Variants in FRMPD4 observed in about 807,000 individuals in gnomAD.
The protein encoded by FRMPD4 is FERM and PDZ domain containing 4.
A neutral mutation model predicts 94.1 loss-of-function variants in FRMPD4; 22 were observed. The ratio of observed to expected loss-of-function variants is 0.23; its 90% CI spans 0.17 to 0.33. The LOEUF (loss-of-function observed/expected upper bound fraction) is 0.33. Among genes scored for constraint, FRMPD4 ranks in the 10% least tolerant of loss-of-function variants. FRMPD4 has a pLI of 1.00. For missense variants in FRMPD4, 1,111 were observed against 1,339.9 expected (o/e 0.83, Z 2.67); for synonymous variants, 631 against 548.6 (o/e 1.15, Z -2.10).
chrX:12,616,571 C>T (rs1217521371), intron 4 of FRMPD4, among the ~76,000 whole-genome samples: 2 of 112,027 alleles, frequency 1.8e-5, no homozygotes, highest in Non-Finnish European at 1.9e-5. Context: ...GACACTGAGA[C>T]TTGTGTCATA....
At chrX:12,064,752 C>T (rs1197324191) in intron 3 of FRMPD4, among the ~76,000 whole-genome samples, 2 of 111,860 alleles carry the variant, frequency 1.8e-5, no homozygotes, top group East Asian at 5.6e-4. Context: ...GAATCCCTGA[C>T]AATATATCCT....
At chrX:12,529,886 A>C (rs1432968789) in intron 2 of FRMPD4, among the ~76,000 whole-genome samples, 2 of 96,641 alleles carry the variant, frequency 2.1e-5, no homozygotes, top group African/African-American at 7.6e-5. Context: ...ATGACACCTT[A>C]TAGATGTGTA....
chrX:12,704,475 C>G lies in FRMPD4; in HGVS notation c.1187C>G (p.Pro396Arg). ...LVKANQNLVP[P>R]GKKLSALQAK... Reference sequence around the variant, plus strand: ...AAAGCAAATCAAAACTTGGTACCACCGGGTAAAAAGGTATCACATTTCCAT... The same window carrying G: ...AAAGCAAATCAAAACTTGGTACCACGGGGTAAAAAGGTATCACATTTCCAT... Residue 396 changes from proline (P) to arginine (R), a missense_variant, in exon 11 of 17, where the codon CCG (proline) becomes CGG (arginine). Physicochemically the swap from Pro to Arg is moderately radical, Grantham distance 103 (BLOSUM62 -2). Around this residue, in one of 8 missense-constraint regions of FRMPD4, gnomAD observed 111 missense variants for 160.7 expected, o/e 0.69. Transcript: ENST00000675598. 3.4e-6 allele frequency: 4 copies of G among 1,171,275 alleles called. No homozygotes were observed. Among genetic ancestry groups the G allele is most frequent in the Non-Finnish European group, 4.6e-6 (4 of 871,705 alleles).
intron 2 of FRMPD4, among the ~76,000 whole-genome samples, chrX:12,539,257 G>A (rs959164651): frequency 6.3e-5 from 7 of 111,654 alleles, no homozygotes; most frequent in Non-Finnish European, 9.4e-5. Flanking sequence ...AAAAAGAAAC[G>A]AACAAAGCCT....
At chrX:12,076,090 G>T (rs2055011760) in intron 3 of FRMPD4, among the ~76,000 whole-genome samples, 1 of 111,757 alleles carries the variant, frequency 8.9e-6, no homozygotes, top group African/African-American at 3.3e-5. Flanking sequence ...TGCCCTGAAT[G>T]AGGAATAGAC....
chrX:11,876,642 A>G (rs1272937353), intron 2 of FRMPD4, among the ~76,000 whole-genome samples: 1 of 112,159 alleles, frequency 8.9e-6, no homozygotes, highest in Non-Finnish European at 1.9e-5. Context: ...GCAGAATGTC[A>G]TTGGAGAGTT....
intron 1 of FRMPD4, among the ~76,000 whole-genome samples, chrX:12,194,915 G>A (rs2056548983): frequency 8.9e-6 from 1 of 111,966 alleles, no homozygotes; most frequent in Admixed American, 9.4e-5. Context: ...AATAACTTGA[G>A]TGAAGGATTG....
At chrX:12,129,465 A>G (rs979963479) in intron 3 of FRMPD4, among the ~76,000 whole-genome samples, 1 of 111,727 alleles carries the variant, frequency 9.0e-6, no homozygotes, top group Admixed American at 9.4e-5. Context: ...CCCTCCCATG[A>G]CACAGGATTA....
intron 2 of FRMPD4, among the ~76,000 whole-genome samples, chrX:12,568,870 C>T (rs1282617501): frequency 8.9e-6 from 1 of 111,865 alleles, no homozygotes; most frequent in African/African-American, 3.2e-5. Flanking sequence ...TCTATAAAAT[C>T]ACATCAGCTA....
intron 5 of FRMPD4, among the ~76,000 whole-genome samples, chrX:12,678,783 C>G (rs1405868706): frequency 1.8e-5 from 2 of 112,178 alleles, no homozygotes; most frequent in Admixed American, 9.4e-5. Context: ...CAAGATTGCA[C>G]CATTGCACTC....
At chrX:12,310,524 A>G (rs1415186958) in intron 1 of FRMPD4, among the ~76,000 whole-genome samples, 3 of 112,250 alleles carry the variant, frequency 2.7e-5, no homozygotes, top group South Asian at 3.7e-4. Flanking sequence ...CAGTTTCTCA[A>G]CTTGCCTTCA....
At chrX:12,084,248 A>G (rs1440796905) in intron 3 of FRMPD4, among the ~76,000 whole-genome samples, 1 of 108,421 alleles carries the variant, frequency 9.2e-6, no homozygotes, top group African/African-American at 3.4e-5. Context: ...AATAACTCTC[A>G]CAAGATCTGA....
At chrX:12,080,112 T>C (rs1057201567) in intron 3 of FRMPD4, among the ~76,000 whole-genome samples, 2 of 112,286 alleles carry the variant, frequency 1.8e-5, no homozygotes, top group African/African-American at 6.5e-5. Context: ...GAGGAGAGGA[T>C]GATAGCATTA....
intron 1 of FRMPD4, among the ~76,000 whole-genome samples, chrX:12,258,820 A>G (rs1218212657): frequency 3.6e-5 from 4 of 111,442 alleles, no homozygotes. Flanking sequence ...TGCAGGGAAC[A>G]TTCCAATTCT....
chrX:11,933,883 C>T (rs1017909572), intron 3 of FRMPD4, among the ~76,000 whole-genome samples: 3 of 111,968 alleles, frequency 2.7e-5, no homozygotes, highest in Non-Finnish European at 5.6e-5. Flanking sequence ...CTTGTTCCCT[C>T]GTTTATGTTT....
intron 1 of FRMPD4, among the ~76,000 whole-genome samples, chrX:12,429,353 T>G (rs899887180): frequency 1.8e-5 from 2 of 111,534 alleles, no homozygotes; most frequent in African/African-American, 6.5e-5. Context: ...ATAAAGCTCT[T>G]TCTCCTGATT....
At chrX:12,586,824 G>T (rs1430778738) in intron 2 of FRMPD4, among the ~76,000 whole-genome samples, 1 of 111,352 alleles carries the variant, frequency 9.0e-6, no homozygotes, top group African/African-American at 3.3e-5. Context: ...GTGAATAATG[G>T]TACAGGAAAT....
At chrX:12,092,569 T>C (rs7060045) in intron 3 of FRMPD4, among the ~76,000 whole-genome samples, 7,899 of 111,338 alleles carry the variant, frequency 0.071, 493 homozygotes, top group African/African-American at 0.2. Context: ...GCACAACAAA[T>C]GTGGTGCTGG....
chrX:12,341,634 G>A (rs1025725584), intron 1 of FRMPD4: 2 of 328,072 alleles, frequency 6.1e-6, no homozygotes, highest in East Asian at 9.7e-5. Flanking sequence ...AGGTCACACA[G>A]CTGGTAAGTG....
Sources: allele counts gnomAD v4.1 joint callset (sites outside exome capture counted in the v4.1 genomes callset), GRCh38; gene constraint gnomAD v4.1.1; regional missense constraint gnomAD v4.1.1; transcripts MANE v1.5; gene names NCBI Gene and HGNC (gene_info 2026-07-23, HGNC 2026-07-21).